CTRB1: variants seen among roughly 807,000 people sequenced by gnomAD.
CTRB1 encodes chymotrypsinogen B.
CTRB1 carries 15 observed loss-of-function variants against 20.4 expected under a neutral mutation model. The observed-to-expected ratio is 0.74, with a 90% CI of 0.49 to 1.13. The LOEUF (loss-of-function observed/expected upper bound fraction) is 1.13, where lower values mean the gene tolerates loss of function less well. Ranked by LOEUF, CTRB1 falls within the 50% of genes most tolerant of loss-of-function variation. The pLI, the probability that CTRB1 is intolerant of heterozygous loss-of-function variation, is 0.00. For missense variants in CTRB1, 227 were observed against 290.1 expected, an observed-to-expected ratio of 0.78 and a Z score of 1.58; for synonymous variants, 92 against 128.4, an observed-to-expected ratio of 0.72 and a Z score of 1.92.
intron 1 of CTRB1, among the ~76,000 whole-genome samples, chr16:75,220,729 T>C (rs2039071492): frequency 6.6e-6 from 1 of 151,022 alleles, no homozygotes; most frequent in Non-Finnish European, 1.5e-5. Context: ...TGCTCTGTTG[T>C]GTGAGTATGC....
chr16:75,222,675 T>C, intron 1 of CTRB1, 93 bp from the exon 2 acceptor site: 8 of 1,386,020 alleles, frequency 5.8e-6, no homozygotes, highest in Non-Finnish European at 7.8e-6. Flanking sequence ...CTGGCTTCAG[T>C]GGACTGGGGT....
chr16:75,219,407 T>C lies in CTRB1; in HGVS notation c.52+348T>C, dbSNP rs531353704. Among the ~76,000 whole-genome samples the C allele has an allele frequency of 2.4e-3, 370 of 152,002 alleles. 1 individual carries two copies. Among genetic ancestry groups the C allele is most frequent in the Admixed American group, 4.0e-3 (61 of 15,274 alleles). On this transcript the variant is annotated intron_variant, in intron 1 of 6. Coordinates refer to ENST00000361017, the MANE Select transcript of CTRB1 (RefSeq NM_001906.6). Reference sequence around the variant, plus strand: ...TCTTCCTTTCTTTCTTTTTTTTTTTTCGAGACAGAATTTCACTCCTATTGC... The same window carrying C: ...TCTTCCTTTCTTTCTTTTTTTTTTTCCGAGACAGAATTTCACTCCTATTGC...
In CTRB1 at chr16:75,224,878, C is replaced by G; in HGVS notation, c.*12C>G. On this transcript the variant is annotated 3_prime_UTR_variant, in exon 7 of 7. Transcript: ENST00000361017. ...TGGCTGCCAACTGAGCCCGCGGCTC[C>G]CTCCGACCCTGCTCCCCACAGAGCC... is the stretch of plus-strand genomic sequence containing the variant. 6.2e-7 allele frequency: 1 copy of G among 1,613,098 alleles called. No individual in the cohort carries two copies. The highest frequency in any genetic ancestry group is 8.5e-7 in the Non-Finnish European group (1 of 1,179,948).
chr16:75,221,415 A>T (rs1706043101), intron 1 of CTRB1, among the ~76,000 whole-genome samples: 1 of 152,246 alleles, frequency 6.6e-6, no homozygotes. Flanking sequence ...GCTGGAGTGC[A>T]GTGGCACGAT....
At chr16:75,219,541 AC>A (rs761981129) in intron 1 of CTRB1, among the ~76,000 whole-genome samples, 25 of 151,866 alleles carry the variant, frequency 1.6e-4, no homozygotes, top group Non-Finnish European at 3.1e-4. Context: ...ACAGGCATGG[AC>A]CACCAACCCT....
chr16:75,220,689 C>A (rs1306168046), intron 1 of CTRB1, among the ~76,000 whole-genome samples: 1 of 152,246 alleles, frequency 6.6e-6, no homozygotes, highest in East Asian at 1.9e-4. Flanking sequence ...CGTGGAGTTT[C>A]AGCTCATTCA....
At chr16:75,219,961 T>C (rs2039057380) in intron 1 of CTRB1, among the ~76,000 whole-genome samples, 1 of 152,170 alleles carries the variant, frequency 6.6e-6, no homozygotes, top group Admixed American at 6.6e-5. Context: ...GTTACATCAA[T>C]GGAACGGTAT....
At chr16:75,221,978 G>A (rs531946040) in intron 1 of CTRB1, among the ~76,000 whole-genome samples, 15 of 150,336 alleles carry the variant, frequency 1.0e-4, no homozygotes, top group Non-Finnish European at 1.8e-4. Context: ...GGAGAATGGC[G>A]TGAACCCAGG....
rs2076705053 is a variant in CTRB1, at chr16:75,222,885, G to T, written c.156+14G>T. 1.3e-6 allele frequency: 2 copies of T among 1,481,910 alleles called. No individual in the cohort carries two copies. Among genetic ancestry groups the T allele is most frequent in the Non-Finnish European group, 1.8e-6 (2 of 1,102,358 alleles). The allele number at this position is 1,481,910 out of a possible 1,614,324, so 91.8% of individuals were successfully genotyped here. ...GTGTCCCTGCAGGTGAGGGGGTTCT[G>T]CAAGGTGGGGGGCACCCTGGGTAGG... On this transcript the variant is annotated intron_variant, in intron 2 of 6. Transcript: ENST00000361017.
chr16:75,221,435 C>T (rs907901113), intron 1 of CTRB1, among the ~76,000 whole-genome samples: 9 of 152,182 alleles, frequency 5.9e-5, no homozygotes, highest in East Asian at 1.9e-4. Context: ...TCTCAGCTTA[C>T]TGCAACCTCT....
intron 1 of CTRB1, among the ~76,000 whole-genome samples, chr16:75,219,999 GTTTTGGTTTT>G (rs1001748007): frequency 2.2e-5 from 3 of 137,684 alleles, no homozygotes; most frequent in African/African-American, 8.3e-5. Context: ...TTTGGTTTTG[GTTTTGGTTTT>G]GAGACAGGGT....
At chr16:75,220,842 T>C (rs2039073017) in intron 1 of CTRB1, among the ~76,000 whole-genome samples, 1 of 152,032 alleles carries the variant, frequency 6.6e-6, no homozygotes, top group African/African-American at 2.4e-5. Flanking sequence ...CACTGCAACC[T>C]CCACCTCCCA....
rs2076715196 is a variant in CTRB1, at chr16:75,224,172, G to C, written c.614G>C (p.Gly205Ala). ...GTGATGATCTGTGCCGGGGCCAGTG[G>C]CGTCTCCTCCTGCATGGTGAGGCTG... Reference protein sequence around the residue: ...TDVMICAGASGVSSCMGDSGG... With the variant: ...TDVMICAGASAVSSCMGDSGG... The change falls in exon 6 of 7, where the codon GGC becomes GCC. Residue 205 changes from glycine to alanine, a missense_variant. By Grantham distance (60) the Gly-to-Ala change is moderately conservative. Transcript: ENST00000361017. 6.7e-7 allele frequency: 1 copy of C among 1,481,544 alleles called. No homozygotes were observed. Among genetic ancestry groups the C allele is most frequent in the African/African-American group, 1.4e-5 (1 of 69,806 alleles). 91.8% of individuals were successfully genotyped at this position (1,481,544 alleles called of 1,614,324 possible).
rs1043328249 is a variant in CTRB1, at chr16:75,219,358, G to A, written c.52+299G>A. Among the ~76,000 whole-genome samples, 4 of 151,918 alleles carry A rather than the reference G, an allele frequency of 2.6e-5. No individual in the cohort carries two copies. In the East Asian group the frequency reaches 5.8e-4, roughly 22 times the overall value. On this transcript the variant is annotated intron_variant, in intron 1 of 6. Coordinates refer to ENST00000361017, the MANE Select transcript of CTRB1 (RefSeq NM_001906.6). Reference sequence around the variant, plus strand: ...CAAGGCCTCCACCGGGGTTTTTATTGTGCTGGGTACTTGTCAAGCATTTTC... The same window carrying A: ...CAAGGCCTCCACCGGGGTTTTTATTATGCTGGGTACTTGTCAAGCATTTTC...
chr16:75,219,041 C>T lies in CTRB1; in HGVS notation c.34C>T (p.Leu12Phe), dbSNP rs2039040752. ...CCTCTGGCTCCTCTCCTGCTTCTCC[C>T]TTGTGGGGGCCGCCTTTGGTGAGTG... ...ASLWLLSCFSLVGAAFGCGVP... is the reference protein window; with the variant it reads ...ASLWLLSCFSFVGAAFGCGVP... Residue 12 changes from leucine to phenylalanine, a missense_variant, in exon 1 of 7, where the codon CTT becomes TTT. Around this residue, in one of 4 missense-constraint regions of CTRB1, gnomAD observed 71 missense variants for 69.1 expected, o/e 1.03. Coordinates refer to ENST00000361017, the MANE Select transcript of CTRB1 (RefSeq NM_001906.6). The T allele has an allele frequency of 6.3e-7, 1 of 1,593,386 alleles. No homozygotes were observed. The highest frequency in any genetic ancestry group is 8.5e-7 in the Non-Finnish European group (1 of 1,171,322).
At chr16:75,219,185 G>A (rs2151373675) in intron 1 of CTRB1, 126 bp downstream of exon 1, 2 of 978,574 alleles carry the variant, frequency 2.0e-6, no homozygotes, top group Middle Eastern at 2.5e-4. Context: ...GGGCTCAGGA[G>A]AGGGTGCATT....
At chr16:75,219,143 C>A in intron 1 of CTRB1, 84 bp downstream of exon 1, 1 of 1,412,876 alleles carries the variant, frequency 7.1e-7, no homozygotes, top group Non-Finnish European at 9.7e-7. Flanking sequence ...GCTCTGCCCC[C>A]TGGGGCCTCA....
At chr16:75,220,902 G>A (rs577590142) in intron 1 of CTRB1, among the ~76,000 whole-genome samples, 1 of 152,200 alleles carries the variant, frequency 6.6e-6, no homozygotes, top group East Asian at 1.9e-4. Context: ...GGAACTACAG[G>A]CATGAGCCAC....
chr16:75,224,130 G>A lies in CTRB1; in HGVS notation c.572G>A (p.Gly191Asp), dbSNP rs1277966766. The change falls in exon 6 of 7, where the codon GGC (glycine) becomes GAC (aspartate). Residue 191 changes from glycine (G) to aspartate (D), a missense_variant. Gly to Asp is a moderately conservative substitution (Grantham distance 94). This residue lies in a region of CTRB1 where 36 missense variants were observed against 51.6 expected (regional missense o/e 0.70). Coordinates refer to ENST00000361017, the MANE Select transcript of CTRB1 (RefSeq NM_001906.6). ...AATGCCGAATGCAAGAAGTCCTGGG[G>A]CAGGAGGATCACCGACGTGATGATC... ...LSNAECKKSW[G>D]RRITDVMICA... 1 of 1,440,660 alleles carries A rather than the reference G, an allele frequency of 6.9e-7. No homozygotes were observed. The highest frequency in any genetic ancestry group is 1.5e-5 in the African/African-American group (1 of 66,824). The allele number at this position is 1,440,660 out of a possible 1,614,324, so 89.2% of individuals were successfully genotyped here.
Sources: gnomAD v4.1 joint callset for allele counts (sites outside exome capture counted in the v4.1 genomes callset) on GRCh38, gnomAD v4.1.1 for gene constraint, gnomAD v4.1.1 regional missense constraint, MANE v1.5 for transcripts, NCBI Gene and HGNC (gene_info 2026-07-23, HGNC 2026-07-21) for gene names.